Variants in NOTCH2 observed in about 807,000 individuals in gnomAD.
NOTCH2 encodes neurogenic locus notch homolog protein 2.
Under a neutral mutation model 235.8 loss-of-function variants are expected in NOTCH2, and 29 were observed. The observed-to-expected ratio is 0.12, with a 90% CI of 0.09 to 0.17. The LOEUF is 0.17. Among genes scored for constraint, NOTCH2 ranks in the 10% least tolerant of loss-of-function variants. The pLI is 1.00. For missense variants in NOTCH2, 2,285 were observed against 3,150.2 expected (o/e 0.73, Z 6.57); for synonymous variants, 1,086 against 1,141.5 (o/e 0.95, Z 0.98).
At chr1:119,935,170 A>G in intron 22 of NOTCH2, 2 of 1,244,470 alleles carry the variant, frequency 1.6e-6, no homozygotes, top group Non-Finnish European at 1.0e-6. Flanking sequence ...AGCAACAAGA[A>G]ATCTTACTGA....
At chr1:119,985,472 G>A (rs1651980310) in intron 5 of NOTCH2, among the ~76,000 whole-genome samples, 1 of 152,102 alleles carries the variant, frequency 6.6e-6, no homozygotes. Flanking sequence ...CCAAGAGCAG[G>A]CCTTCCTAAT....
chr1:119,923,530 A>G, intron 26 of NOTCH2, 107 bp downstream of exon 26: 3 of 1,003,778 alleles, frequency 3.0e-6, no homozygotes, highest in South Asian at 1.3e-5. Context: ...GGGCCATTCT[A>G]TTTTTCTGAT....
At chr1:119,994,387 T>A (rs1425931933) in intron 4 of NOTCH2, 1 of 106,448 alleles carries the variant, frequency 9.4e-6, no homozygotes, top group Non-Finnish European at 1.9e-5. Flanking sequence ...CACTGCATCA[T>A]CTATTGTTTT....
chr1:120,012,674 T>G (rs2725932), intron 2 of NOTCH2, among the ~76,000 whole-genome samples: 4 of 152,226 alleles, frequency 2.6e-5, no homozygotes, highest in East Asian at 1.9e-4. Flanking sequence ...GCTAACTGAT[T>G]TGCCCAAAGT....
intron 3 of NOTCH2, among the ~76,000 whole-genome samples, chr1:120,001,678 T>C (rs1159717727): frequency 1.3e-5 from 2 of 152,192 alleles, no homozygotes; most frequent in Non-Finnish European, 2.9e-5. Context: ...CTTACTGGAA[T>C]AGACACTTAC....
chr1:119,949,798 C>A (rs1553197519), intron 15 of NOTCH2, among the ~76,000 whole-genome samples: 1 of 152,180 alleles, frequency 6.6e-6, no homozygotes, highest in African/African-American at 2.4e-5. Flanking sequence ...CTATTAACAG[C>A]TGCTATTAAC....
chr1:119,922,597 TC>T (rs2101155691), intron 27 of NOTCH2, 38 bp downstream of exon 27: 1 of 1,613,026 alleles, frequency 6.2e-7, no homozygotes, highest in South Asian at 1.1e-5. Context: ...TTGACACTCT[TC>T]CCCCGCCACC....
chr1:119,996,962 G>T (rs782657227), intron 4 of NOTCH2, 35 bp downstream of exon 4: 16 of 1,599,512 alleles, frequency 1.0e-5, no homozygotes, highest in African/African-American at 9.4e-5. Context: ...CTAGGGGTTT[G>T]TCCCCTAATC....
At chr1:119,931,816 T>G (rs1048090694) in intron 22 of NOTCH2, among the ~76,000 whole-genome samples, 1 of 151,826 alleles carries the variant, frequency 6.6e-6, no homozygotes, top group East Asian at 1.9e-4. Flanking sequence ...AGAAGCCATT[T>G]TAAAAGTGAT....
At chr1:119,955,652 A>G (rs1254318000) in intron 12 of NOTCH2, among the ~76,000 whole-genome samples, 1 of 152,230 alleles carries the variant, frequency 6.6e-6, no homozygotes, top group East Asian at 1.9e-4. Flanking sequence ...AGCCTCTTAC[A>G]TTTCTATTTA....
intron 1 of NOTCH2, among the ~76,000 whole-genome samples, chr1:120,039,501 T>C (rs1285550224): frequency 5.3e-4 from 80 of 150,598 alleles, no homozygotes; most frequent in African/African-American, 1.9e-3. Context: ...CTCCTCCTCC[T>C]GGGTTCACGC....
intron 10 of NOTCH2, among the ~76,000 whole-genome samples, chr1:119,964,600 T>C (rs1434131874): frequency 6.6e-6 from 1 of 152,254 alleles, no homozygotes; most frequent in Admixed American, 6.5e-5. Context: ...AATTAAAATA[T>C]TAACTTTTTG....
chr1:119,976,122 G>A (rs138084724), intron 5 of NOTCH2, among the ~76,000 whole-genome samples: 43 of 152,156 alleles, frequency 2.8e-4, no homozygotes, highest in African/African-American at 1.0e-3. Flanking sequence ...GAGCTTGGCT[G>A]GCCCTTGCAC....
At chr1:119,926,442 TCA>T in intron 24 of NOTCH2, 55 bp downstream of exon 24, 1 of 1,278,912 alleles carries the variant, frequency 7.8e-7, no homozygotes, top group Admixed American at 1.9e-5. Context: ...TCAGTTCTGT[TCA>T]CAGATTGTAT....
At chr1:119,981,945 A>G (rs1365671972) in intron 5 of NOTCH2, among the ~76,000 whole-genome samples, 1 of 147,652 alleles carries the variant, frequency 6.8e-6, no homozygotes, top group African/African-American at 2.5e-5. Flanking sequence ...TATAGTCCTA[A>G]AAAAAAAAAA....
chr1:120,006,685 G>C (rs587725303), intron 2 of NOTCH2, among the ~76,000 whole-genome samples: 2 of 150,188 alleles, frequency 1.3e-5, no homozygotes, highest in Admixed American at 6.7e-5. Flanking sequence ...CTAGAAAACT[G>C]AATCTAGTAG....
rs782548919 is a variant in NOTCH2 at position 120,069,040 on chromosome 1, C to G, written c.73+294G>C. ...AACTGCCCACCTCCCTGCACCCTGG[C>G]ACTACGAAAAAGGAGTTTCTGAGAC... On this transcript the variant is annotated intron_variant, in intron 1 of 33. Transcript: ENST00000256646. 3 of 1,425,232 alleles carry G rather than the reference C, an allele frequency of 2.1e-6. No homozygotes were observed. The East Asian group carries it at 8.5e-5, about 40-fold the overall frequency. The allele number at this position is 1,425,232 out of a possible 1,614,324, so 88.3% of individuals were successfully genotyped here.
intron 5 of NOTCH2, among the ~76,000 whole-genome samples, chr1:119,980,289 T>C (rs1256834901): frequency 6.6e-6 from 1 of 152,184 alleles, no homozygotes; most frequent in Non-Finnish European, 1.5e-5. Context: ...AGCAGACATC[T>C]TACCTAAAGT....
At chr1:119,953,272 C>T (rs1390716959) in intron 14 of NOTCH2, among the ~76,000 whole-genome samples, 1 of 150,988 alleles carries the variant, frequency 6.6e-6, no homozygotes, top group Non-Finnish European at 1.5e-5. Context: ...GATCACGCAC[C>T]ATTGCACTCC....
Sources: allele counts gnomAD v4.1 joint callset (sites outside exome capture counted in the v4.1 genomes callset), GRCh38; gene constraint gnomAD v4.1.1; transcripts MANE v1.5; gene names NCBI Gene and HGNC (gene_info 2026-07-23, HGNC 2026-07-21).